The following CHD8 variants were observed in gnomAD, a reference collection of about 807,000 sequenced individuals.
CHD8 encodes chromodomain helicase DNA binding protein 8, also known as ATP-dependent chromatin remodeler CHD8.
A neutral mutation model predicts 279.2 loss-of-function variants in CHD8; 31 were observed. The observed-to-expected ratio is 0.11, with a 90% confidence interval of 0.08 to 0.15. The LOEUF is 0.15. Among genes scored for constraint, CHD8 ranks in the 10% least tolerant of loss-of-function variants. The pLI is 1.00. For missense variants in CHD8, 2,146 were observed against 3,230.5 expected, an observed-to-expected ratio of 0.66 and a Z score of 8.14; for synonymous variants, 1,081 against 1,139.6, an observed-to-expected ratio of 0.95 and a Z score of 1.04.
At position 21,405,290 on chromosome 14, in the gene CHD8, C is replaced by A. The variant is rs959057595; in HGVS notation, c.3226G>T (p.Ala1076Ser). Residue 1076 changes from alanine (A) to serine (S), a missense_variant, in exon 16 of 38, where the codon GCA (alanine) becomes TCA (serine). Physicochemically the swap from Ala to Ser is moderately conservative, Grantham distance 99 (BLOSUM62 1). Around this residue, in one of 26 missense-constraint regions of CHD8, gnomAD observed 18 missense variants for 17.1 expected, o/e 1.05. Transcript: ENST00000646647. This position sits in a 1 kb window ranked among gnomAD's most constrained non-coding sequence, Gnocchi z 4.2. ...AGATTAGGCATGTTGGTATGACCTG[C>A]CCCTTTGGAAAGGAAGGAGAAATTC... ...EKNFSFLSKG[A>S]GHTNMPNLLN... 4 of 1,612,584 alleles carry A rather than the reference C, an allele frequency of 2.5e-6. No individual in the cohort carries two copies. The highest frequency in any genetic ancestry group is 1.7e-5 in the Admixed American group (1 of 59,794).
chr14:21,449,284 CTTTT>C (rs991356602), intron 1 of CHD8, among the ~76,000 whole-genome samples: 22 of 152,266 alleles, frequency 1.4e-4, no homozygotes, highest in African/African-American at 5.3e-4. Flanking sequence ...ACCTCACAGT[CTTTT>C]TTTATTTTCC....
intron 33 of CHD8, 76 bp downstream of exon 33, chr14:21,393,030 T>G (rs1252245217): frequency 1.4e-6 from 2 of 1,474,284 alleles, no homozygotes; most frequent in African/African-American, 2.8e-5. Flanking sequence ...CAGAACCATA[T>G]GTTCCTTTTT....
chr14:21,401,592 A>ATT, intron 20 of CHD8, 79 bp from the exon 21 acceptor site: 12 of 841,114 alleles, frequency 1.4e-5, no homozygotes, highest in Admixed American at 9.0e-5. Context: ...TTTTAAAAAC[A>ATT]TTTTTTTTTT....
chr14:21,397,809 A>G lies in CHD8; in HGVS notation c.5051+14T>C, dbSNP rs771338118. The stretch of plus-strand genomic sequence containing the variant: ...ACAAGTTAGAGTTTTAAAAGAACAA[A>G]TACTAATGCTTACCCTTCTACTATG... On this transcript the variant is annotated intron_variant, in intron 27 of 37. Coordinates refer to ENST00000646647, the MANE Select transcript of CHD8 (RefSeq NM_001170629.2). The G allele has an allele frequency of 4.3e-6, 7 of 1,612,376 alleles. No individual in the cohort carries two copies. In the South Asian group the frequency reaches 6.6e-5, roughly 15 times the overall value.
chr14:21,385,271 A>G lies in CHD8; in HGVS notation c.*342T>C, dbSNP rs933911075. On this transcript the variant is annotated 3_prime_UTR_variant, in exon 38 of 38. Coordinates refer to ENST00000646647, the MANE Select transcript of CHD8 (RefSeq NM_001170629.2). ...TTCCTGACCCTCCAGCTGTATCCAC[A>G]GTTCGGCCAGGAACAGGCTCTGCCA... 1.1e-5 allele frequency: 3 copies of G among 279,198 alleles called. No individual in the cohort carries two copies. Among genetic ancestry groups the G allele is most frequent in the African/African-American group, 6.6e-5 (3 of 45,792 alleles). 17.3% of individuals were successfully genotyped at this position (279,198 alleles called of 1,614,324 possible).
chr14:21,415,885 A>C lies in CHD8; in HGVS notation c.1739T>G (p.Val580Gly), dbSNP rs758375046. ...SIQKRRSNRQ[V>G]KRKKYTEDLD... Reference sequence around the variant, plus strand: ...GTCCTCTGTATATTTTTTTCGCTTAACTTGGCGGTTTGAGCGTCTCTTCTG... The same window carrying C: ...GTCCTCTGTATATTTTTTTCGCTTACCTTGGCGGTTTGAGCGTCTCTTCTG... The change falls in exon 6 of 38, where the codon GTT (valine) becomes GGT (glycine). Residue 580 changes from valine (V) to glycine (G), a missense_variant. By Grantham distance (109) the Val-to-Gly change is moderately radical. Around this residue, in one of 26 missense-constraint regions of CHD8, gnomAD observed 123 missense variants for 169.2 expected, o/e 0.73. Transcript: ENST00000646647. 6.2e-7 allele frequency: 1 copy of C among 1,613,510 alleles called. No individual in the cohort carries two copies. Among genetic ancestry groups the C allele is most frequent in the East Asian group, 2.2e-5 (1 of 44,872 alleles).
In CHD8 at chr14:21,431,339, T is replaced by G. The variant is rs1889555624; in HGVS notation, c.305A>C (p.Gln102Pro). ...TAAGACAGGTTGGGCTGGCTGCTCC[T>G]GGCTGGCAGGCTGAGTGGTATAATC... ...LHDYTTQPASQEQPAQPVLQT... is the reference protein window; with the variant it reads ...LHDYTTQPASPEQPAQPVLQT... The change falls in exon 2 of 38, where the codon CAG (glutamine) becomes CCG (proline). Residue 102 changes from glutamine (Q) to proline (P), a missense_variant. Physicochemically the swap from Gln to Pro is moderately conservative, Grantham distance 76. Around this residue, in one of 26 missense-constraint regions of CHD8, gnomAD observed 302 missense variants for 325.5 expected, o/e 0.93. Coordinates refer to ENST00000646647, the MANE Select transcript of CHD8 (RefSeq NM_001170629.2). 6.5e-7 allele frequency: 1 copy of G among 1,539,866 alleles called. No individual in the cohort carries two copies. Among genetic ancestry groups the G allele is most frequent in the African/African-American group, 1.4e-5 (1 of 73,192 alleles).
intron 5 of CHD8, among the ~76,000 whole-genome samples, chr14:21,418,685 A>G (rs12884988): frequency 0.16 from 24,619 of 151,918 alleles, 2,515 homozygotes; most frequent in South Asian, 0.24. Flanking sequence ...GCGTGGTGGC[A>G]GGCGCCTGCA....
Position 21,385,700 on chromosome 14 carries a change from G to T in CHD8, c.7659C>A (p.Gly2553=). Residue 2553 remains glycine (G), a synonymous_variant, in exon 38 of 38, where the codon GGC becomes GGA. Coordinates refer to ENST00000646647, the MANE Select transcript of CHD8 (RefSeq NM_001170629.2). ...AGAAGTCCCTTTCTGAGCTATCATA[G>T]CCCTGAGATAAGTCATCATCATCTT... ...DEEDDDDLSQ[G]YDSSERDFSL... is the part of the protein sequence containing the mutation. The T allele has an allele frequency of 1.3e-6, 2 of 1,551,886 alleles. No homozygotes were observed. The highest frequency in any genetic ancestry group is 1.7e-6 in the Non-Finnish European group (2 of 1,147,012).
chr14:21,399,911 T>G, intron 25 of CHD8, 70 bp downstream of exon 25: 1 of 1,318,492 alleles, frequency 7.6e-7, no homozygotes, highest in Non-Finnish European at 1.1e-6. Flanking sequence ...TAGCATAAAA[T>G]GAAATAAGCA....
At chr14:21,417,865 AAT>A (rs61023144) in intron 5 of CHD8, among the ~76,000 whole-genome samples, 19,428 of 97,468 alleles carry the variant, frequency 0.2, 1,566 homozygotes, top group Middle Eastern at 0.39. Context: ...AAAAAAAAAA[AAT>A]ATATATATAT....
chr14:21,441,684 G>T lies in CHD8; in HGVS notation c.-215-9826C>A, dbSNP rs151028724. Among the ~76,000 whole-genome samples, 794 of 151,960 alleles carry T rather than the reference G, an allele frequency of 5.2e-3. 2 individuals carry two copies. The highest frequency in any genetic ancestry group is 0.014 in the East Asian group (73 of 5,144). On this transcript the variant is annotated intron_variant, in intron 1 of 37. Transcript: ENST00000646647. ...CGGGCATATCACGAGGTCAGGAGAT[G>T]GAGACCATCCTGGCTAACACGGTGA... is the stretch of plus-strand genomic sequence containing the variant.
rs1266261780 is a variant in CHD8 at position 21,393,214 on chromosome 14, G to A, written c.6360C>T (p.Leu2120=). Residue 2120 remains leucine (L), a synonymous_variant, in exon 33 of 38, where the codon CTC becomes CTT. Coordinates refer to ENST00000646647, the MANE Select transcript of CHD8 (RefSeq NM_001170629.2). ...SRSKLYDEES[L]LSLTMSQDGF... ...CATCTTGGGACATAGTGAGGGACAG[G>A]AGACTCTCTTCATCATAGAGCTTTG... 1.9e-6 allele frequency: 3 copies of A among 1,613,844 alleles called. No individual in the cohort carries two copies. Among genetic ancestry groups the A allele is most frequent in the South Asian group, 2.2e-5 (2 of 91,088 alleles).
intron 26 of CHD8, 23 bp downstream of exon 26, chr14:21,399,579 G>A (rs776363456): frequency 6.6e-7 from 1 of 1,521,502 alleles, no homozygotes; most frequent in Non-Finnish European, 9.1e-7. Context: ...TCGGAAAGGA[G>A]TAGAATAGGA....
At position 21,429,457 on chromosome 14, in the gene CHD8, C is replaced by T. The variant is rs57764234; in HGVS notation, c.844-122G>A. On this transcript the variant is annotated intron_variant, in intron 2 of 37. Transcript: ENST00000646647. ...CTACAGGTCAGAAGACACAGTACAA[C>T]TCACTTTGTTCATCATCCTATCTGT... 40,012 of 1,004,834 alleles carry T rather than the reference C, an allele frequency of 0.04. 2,694 individuals are homozygous for T. Among genetic ancestry groups the T allele is most frequent in the African/African-American group, 0.27 (17,132 of 63,494 alleles). The allele number at this position is 1,004,834 out of a possible 1,614,324, so 62.2% of individuals were successfully genotyped here. A position where few individuals can be genotyped will look rare whatever the true frequency, so the allele number is the denominator to read the frequency against.
At position 21,414,343 on chromosome 14, in the gene CHD8, G is replaced by T; in HGVS notation, c.2100C>A (p.Arg700=). ...TCATCTGAGCCATTTTGGTTTTGAAGCGCTTTAATTTTTGATGTATCCTCT... is the reference window on the plus strand; with the variant it reads ...TCATCTGAGCCATTTTGGTTTTGAATCGCTTTAATTTTTGATGTATCCTCT... The part of the protein sequence containing the change: ...KDKRIHQKLK[R]FKTKMAQMRH... Residue 700 remains arginine, a synonymous_variant, in exon 9 of 38, where the codon CGC becomes CGA. Coordinates refer to ENST00000646647, the MANE Select transcript of CHD8 (RefSeq NM_001170629.2). The T allele has an allele frequency of 6.3e-7, 1 of 1,575,436 alleles. No individual in the cohort carries two copies. Among genetic ancestry groups the T allele is most frequent in the Non-Finnish European group, 8.6e-7 (1 of 1,157,714 alleles).
intron 1 of CHD8, among the ~76,000 whole-genome samples, chr14:21,452,439 T>A (rs1212147331): frequency 6.7e-6 from 1 of 149,026 alleles, no homozygotes; most frequent in Non-Finnish European, 1.5e-5. Context: ...AGGTCAGGAG[T>A]TTGAGACAAG....
Position 21,403,835 on chromosome 14 carries a change from A to G in CHD8, c.3308-172T>C, listed in dbSNP as rs2139470770. Among the ~76,000 whole-genome samples, 1 of 152,360 alleles carries G rather than the reference A, an allele frequency of 6.6e-6. No homozygotes were observed. On this transcript the variant is annotated intron_variant, in intron 16 of 37. Coordinates refer to ENST00000646647, the MANE Select transcript of CHD8 (RefSeq NM_001170629.2). This position sits in a 1 kb window ranked among gnomAD's most constrained non-coding sequence, Gnocchi z 4.3. Reference sequence around the variant, plus strand: ...TTAAATCGGCTGGGTACGGTGGCTCATGCCTGTAATCCCAACACTTTGGGA... The same window carrying G: ...TTAAATCGGCTGGGTACGGTGGCTCGTGCCTGTAATCCCAACACTTTGGGA...
intron 27 of CHD8, chr14:21,397,221 G>A (rs1887827003): frequency 2.3e-6 from 1 of 430,150 alleles, no homozygotes; most frequent in Non-Finnish European, 4.9e-6. Context: ...AACTGAGGGT[G>A]TGATCGTCAA....
Sources: allele counts gnomAD v4.1 joint callset (sites outside exome capture counted in the v4.1 genomes callset), GRCh38; gene constraint gnomAD v4.1.1; regional missense constraint gnomAD v4.1.1; non-coding constraint Gnocchi (gnomAD v3.1); transcripts MANE v1.5; gene names NCBI Gene and HGNC (gene_info 2026-07-23, HGNC 2026-07-21).